CELF5: variants seen among roughly 807,000 people sequenced by gnomAD.
The protein encoded by CELF5 is CUGBP Elav-like family member 5, also known as CUG-BP and ETR-3 like factor 5.
Under a neutral mutation model 54.9 loss-of-function variants are expected in CELF5, and 6 were observed. The observed-to-expected ratio is 0.11, with a 90% CI of 0.06 to 0.22. The LOEUF (loss-of-function observed/expected upper bound fraction) is 0.22, where lower values mean the gene tolerates loss of function less well. Ranked by LOEUF, CELF5 falls within the 10% of genes least tolerant of loss-of-function variation. CELF5 has a pLI of 1.00. For missense variants in CELF5, 401 were observed against 678.6 expected (o/e 0.59, Z 4.54); for synonymous variants, 271 against 290.9 (o/e 0.93, Z 0.70).
rs35144942 is a variant in CELF5, at chr19:3,289,681, CAAAAAAAAAAAAAAAAAAAAA to C, written c.1187-536_1187-516del. Among the ~76,000 whole-genome samples the C allele has an allele frequency of 1.9e-4, 9 of 47,140 alleles. 1 individual carries two copies. In the Admixed American group the frequency reaches 3.4e-3, roughly 18 times the overall value. 30.9% of individuals were successfully genotyped at this position (47,140 alleles called of 152,430 possible). A position where few individuals can be genotyped will look rare whatever the true frequency, so the allele number is the denominator to read the frequency against. ...TGGGCGACAGAGCGAGACTCCATCT[CAAAAAAAAAAAAAAAAAAAAA>C]AAAAAAAAAAAAATTAGCAACGCAT... On this transcript the variant is annotated intron_variant, in intron 10 of 12. Coordinates refer to ENST00000292672, the MANE Select transcript of CELF5 (RefSeq NM_021938.4).
chr19:3,242,219 G>A (rs2079500802), intron 1 of CELF5, among the ~76,000 whole-genome samples: 1 of 152,172 alleles, frequency 6.6e-6, no homozygotes. Context: ...GGTCTGCAGA[G>A]CTAGACTACC....
chr19:3,290,656 CGG>C (rs925500160), intron 11 of CELF5, among the ~76,000 whole-genome samples: 3 of 150,758 alleles, frequency 2.0e-5, no homozygotes, highest in African/African-American at 7.3e-5. Flanking sequence ...CTCTGCGTCC[CGG>C]GTTCACGCCA....
In CELF5 at chr19:3,260,874, G is replaced by A. The variant is rs1019488613; in HGVS notation, c.342+9807G>A. 3.3e-5 allele frequency among the ~76,000 whole-genome samples: 5 copies of A among 151,480 alleles called. No homozygotes were observed. The Middle Eastern group carries it at 0.01, about 311-fold the overall frequency. On this transcript the variant is annotated intron_variant, in intron 2 of 12. Coordinates refer to ENST00000292672, the MANE Select transcript of CELF5 (RefSeq NM_021938.4). Reference sequence around the variant, plus strand: ...CCTGACCTCGTGATCTGCCCGCCTCGGCCTCCCAAAGTGCTGGGATTACAG... The same window carrying A: ...CCTGACCTCGTGATCTGCCCGCCTCAGCCTCCCAAAGTGCTGGGATTACAG...
chr19:3,251,067 A>T lies in CELF5; in HGVS notation c.342A>T (p.Gly114=). The change falls in exon 2 of 13, where the codon GGA becomes GGT. Residue 114 remains glycine, a splice_region_variant and synonymous_variant. Coordinates refer to ENST00000292672, the MANE Select transcript of CELF5 (RefSeq NM_021938.4). ...TALHEQKTLP[G]MARPIQVKPA... ...TGCACGAGCAGAAGACCTTGCCCGGAGTGAGTCCTGTGTGGTGTCTGGGGA... is the reference window on the plus strand; with the variant it reads ...TGCACGAGCAGAAGACCTTGCCCGGTGTGAGTCCTGTGTGGTGTCTGGGGA... The T allele has an allele frequency of 6.2e-7, 1 of 1,609,292 alleles. No homozygotes were observed.
intron 2 of CELF5, 92 bp downstream of exon 2, chr19:3,251,159 ATT>A (rs745976444): frequency 3.3e-6 from 3 of 918,758 alleles, no homozygotes; most frequent in Non-Finnish European, 5.3e-6. Flanking sequence ...TTGGCTGTGA[ATT>A]CTGTGTGTCT....
intron 2 of CELF5, among the ~76,000 whole-genome samples, chr19:3,259,922 G>T (rs1001149401): frequency 6.6e-6 from 1 of 152,156 alleles, no homozygotes; most frequent in Non-Finnish European, 1.5e-5. Flanking sequence ...GGAAGATAAG[G>T]AGCAAGTAAT....
intron 11 of CELF5, 36 bp downstream of exon 11, chr19:3,290,410 C>T (rs925565803): frequency 1.2e-6 from 2 of 1,609,020 alleles, no homozygotes; most frequent in African/African-American, 1.3e-5. Flanking sequence ...CCCCATCCAC[C>T]TCCCTCGCCT....
chr19:3,232,021 G>A (rs1917291139), intron 1 of CELF5, among the ~76,000 whole-genome samples: 1 of 151,674 alleles, frequency 6.6e-6, no homozygotes, highest in Non-Finnish European at 1.5e-5. Context: ...ATAGAAGATG[G>A]GATAGACTGA....
chr19:3,283,951 C>T (rs2080192552), intron 8 of CELF5, among the ~76,000 whole-genome samples: 1 of 152,024 alleles, frequency 6.6e-6, no homozygotes, highest in East Asian at 1.9e-4. Flanking sequence ...TCACCTCTCA[C>T]CTCAGCCTCC....
chr19:3,226,745 C>G (rs1197908308), intron 1 of CELF5, among the ~76,000 whole-genome samples: 1 of 151,434 alleles, frequency 6.6e-6, no homozygotes, highest in Non-Finnish European at 1.5e-5. Flanking sequence ...GGGACTGGAG[C>G]ATCCTGGTGA....
At chr19:3,296,691 A>G (rs949154737) in intron 12 of CELF5, 67 bp from the exon 13 acceptor site, 8 of 152,218 alleles carry the variant, frequency 5.3e-5, no homozygotes, top group African/African-American at 1.7e-4. Flanking sequence ...GCCGGTGTGC[A>G]GTTGTACGTG....
intron 10 of CELF5, among the ~76,000 whole-genome samples, chr19:3,288,457 G>A (rs2080289196): frequency 6.6e-6 from 1 of 152,120 alleles, no homozygotes; most frequent in Non-Finnish European, 1.5e-5. Context: ...GGGAAGCAGA[G>A]GTTGCGATGA....
intron 2 of CELF5, among the ~76,000 whole-genome samples, chr19:3,263,656 G>A (rs1217658683): frequency 3.3e-5 from 5 of 152,090 alleles, no homozygotes; most frequent in African/African-American, 4.8e-5. Context: ...TGTAATCCCC[G>A]CACTTTGGGA....
At position 3,278,850 on chromosome 19, in the gene CELF5, G is replaced by A. The variant is rs563208114; in HGVS notation, c.603+740G>A. ...GGGTATCCTAAGGGGATGACACCTGGGTTGGATTTGCTGAGGCCAGGAGAG... is the reference window on the plus strand; with the variant it reads ...GGGTATCCTAAGGGGATGACACCTGAGTTGGATTTGCTGAGGCCAGGAGAG... On this transcript the variant is annotated intron_variant, in intron 5 of 12. Transcript: ENST00000292672. This position sits in a 1 kb window ranked among gnomAD's most constrained non-coding sequence, Gnocchi z 4.5. 6.6e-6 allele frequency among the ~76,000 whole-genome samples: 1 copy of A among 151,454 alleles called. No homozygotes were observed. Among genetic ancestry groups the A allele is most frequent in the South Asian group, 2.1e-4 (1 of 4,830 alleles).
chr19:3,232,367 C>A (rs1351529282), intron 1 of CELF5, among the ~76,000 whole-genome samples: 1 of 151,778 alleles, frequency 6.6e-6, no homozygotes, highest in Non-Finnish European at 1.5e-5. Flanking sequence ...CCAGCCTGAG[C>A]AACACAGCTC....
At chr19:3,226,408 C>T (rs954029016) in intron 1 of CELF5, among the ~76,000 whole-genome samples, 20 of 139,366 alleles carry the variant, frequency 1.4e-4, no homozygotes, top group Non-Finnish European at 2.9e-4. Flanking sequence ...AGAAACCCCT[C>T]CCCATTCCCC....
At chr19:3,232,418 A>G (rs919981710) in intron 1 of CELF5, among the ~76,000 whole-genome samples, 1 of 151,448 alleles carries the variant, frequency 6.6e-6, no homozygotes, top group Non-Finnish European at 1.5e-5. Flanking sequence ...GTGGTGTGCA[A>G]CTGTAGTCCC....
intron 2 of CELF5, among the ~76,000 whole-genome samples, chr19:3,270,969 C>T (rs1036907509): frequency 6.6e-6 from 1 of 151,936 alleles, no homozygotes; most frequent in Admixed American, 6.6e-5. Flanking sequence ...AGCTTCTCTC[C>T]CCGCGGCCGC....
chr19:3,233,946 C>T (rs1312873026), intron 1 of CELF5, among the ~76,000 whole-genome samples: 1 of 152,192 alleles, frequency 6.6e-6, no homozygotes, highest in Non-Finnish European at 1.5e-5. Flanking sequence ...CTGAGGAGCT[C>T]CTGAAGACGG....
Sources: gnomAD v4.1 joint callset for allele counts (sites outside exome capture counted in the v4.1 genomes callset) on GRCh38, gnomAD v4.1.1 for gene constraint, Gnocchi (gnomAD v3.1) non-coding constraint, MANE v1.5 for transcripts, NCBI Gene and HGNC (gene_info 2026-07-23, HGNC 2026-07-21) for gene names.